Variants in PPFIBP1 observed in about 807,000 individuals in gnomAD.
The protein encoded by PPFIBP1 is liprin-beta-1.
Under a neutral mutation model 137.8 loss-of-function variants are expected in PPFIBP1, and 112 were observed. The ratio of observed to expected loss-of-function variants is 0.81; its 90% CI spans 0.70 to 0.95. PPFIBP1 has a LOEUF of 0.95. Among genes scored for constraint, PPFIBP1 ranks in the 40% least tolerant of loss-of-function variants. PPFIBP1 has a pLI of 0.00. For missense variants in PPFIBP1, 1,083 were observed against 1,196.6 expected, an observed-to-expected ratio of 0.91 and a Z score of 1.40; for synonymous variants, 378 against 417.3, an observed-to-expected ratio of 0.91 and a Z score of 1.15.
At chr12:27,642,806 A>T (rs2058207034) in intron 4 of PPFIBP1, among the ~76,000 whole-genome samples, 1 of 152,048 alleles carries the variant, frequency 6.6e-6, no homozygotes, top group Non-Finnish European at 1.5e-5. Context: ...TGATAAGTAG[A>T]AGTGGTGATT....
chr12:27,526,305 T>C (rs767017479), intron 1 of PPFIBP1, among the ~76,000 whole-genome samples: 13 of 152,224 alleles, frequency 8.5e-5, no homozygotes, highest in Non-Finnish European at 7.3e-5. Flanking sequence ...AGTCCTAGTT[T>C]AGGGACTTGA....
chr12:27,689,071 C>A lies in PPFIBP1; in HGVS notation c.2553C>A (p.Pro851=), dbSNP rs762987080. Reference sequence around the variant, plus strand: ...TGGCTCAGTTATTGAACATCCCACCCAATAAGACTTTGCTGCGAAGACATT... The same window carrying A: ...TGGCTCAGTTATTGAACATCCCACCAAATAAGACTTTGCTGCGAAGACATT... The part of the protein sequence containing the change: ...ETMAQLLNIP[P]NKTLLRRHLA... Residue 851 remains proline (P), a synonymous_variant, in exon 27 of 30, where the codon CCC becomes CCA. Coordinates refer to ENST00000228425, the MANE Select transcript of PPFIBP1 (RefSeq NM_003622.4). 9 of 1,613,916 alleles carry A rather than the reference C, an allele frequency of 5.6e-6. No homozygotes were observed. Among genetic ancestry groups the A allele is most frequent in the Non-Finnish European group, 7.6e-6 (9 of 1,179,964 alleles).
chr12:27,618,974 T>A (rs529172496), intron 2 of PPFIBP1, among the ~76,000 whole-genome samples: 5 of 152,282 alleles, frequency 3.3e-5, no homozygotes, highest in African/African-American at 1.2e-4. Flanking sequence ...GTATAACATC[T>A]ATTAGAGATA....
chr12:27,680,768 A>G (rs55931926), intron 21 of PPFIBP1, among the ~76,000 whole-genome samples: 2,815 of 152,330 alleles, frequency 0.018, 34 homozygotes, highest in South Asian at 0.03. Context: ...CACTGTGCAT[A>G]AGAGGGTGGG....
chr12:27,536,979 C>G (rs1475704198), intron 1 of PPFIBP1, among the ~76,000 whole-genome samples: 1 of 152,152 alleles, frequency 6.6e-6, no homozygotes, highest in Admixed American at 6.5e-5. Flanking sequence ...CTAGGGGACT[C>G]TCTTCTGGTC....
Position 27,633,455 on chromosome 12 carries a change from T to C in PPFIBP1, c.59T>C (p.Ile20Thr). 6.2e-7 allele frequency: 1 copy of C among 1,612,248 alleles called. No homozygotes were observed. The highest frequency in any genetic ancestry group is 8.5e-7 in the Non-Finnish European group (1 of 1,179,630). ...GCGTTGGAGCAGATGGATGGTATCA[T>C]AGCAGGTGATCTGCATCCTGTGAAA... ...AAALEQMDGI[I>T]AGSKALEYSN... The change falls in exon 3 of 30, where the codon ATA becomes ACA. Residue 20 changes from isoleucine to threonine, a missense_variant. Physicochemically the swap from Ile to Thr is moderately conservative, Grantham distance 89. Transcript: ENST00000228425.
chr12:27,672,542 G>A, intron 15 of PPFIBP1, 59 bp downstream of exon 15: 1 of 1,268,654 alleles, frequency 7.9e-7, no homozygotes, highest in Non-Finnish European at 1.1e-6. Flanking sequence ...AGAGAGTTCT[G>A]TTATACTAAC....
chr12:27,659,029 G>A (rs571032560), intron 10 of PPFIBP1, among the ~76,000 whole-genome samples, 181 bp downstream of exon 10: 1 of 152,190 alleles, frequency 6.6e-6, no homozygotes, highest in Non-Finnish European at 1.5e-5. Context: ...TAAGGTAAAA[G>A]ATTATTTTGA....
chr12:27,600,897 T>C (rs938733694), intron 2 of PPFIBP1, among the ~76,000 whole-genome samples: 2 of 152,230 alleles, frequency 1.3e-5, no homozygotes, highest in Non-Finnish European at 2.9e-5. Context: ...TGGATACATA[T>C]ATATTGTGGA....
intron 1 of PPFIBP1, among the ~76,000 whole-genome samples, chr12:27,534,253 C>T (rs1235276041): frequency 6.6e-6 from 1 of 151,932 alleles, no homozygotes; most frequent in Non-Finnish European, 1.5e-5. Flanking sequence ...AAGAACCCTT[C>T]TTCTGATGCG....
chr12:27,557,707 C>T (rs977984317), intron 1 of PPFIBP1, among the ~76,000 whole-genome samples: 2 of 152,094 alleles, frequency 1.3e-5, no homozygotes, highest in African/African-American at 4.8e-5. Flanking sequence ...GTATTTTTAC[C>T]TTTAAGTCAG....
At chr12:27,677,903 TG>T (rs1247395936) in intron 19 of PPFIBP1, 1 of 152,256 alleles carries the variant, frequency 6.6e-6, no homozygotes, top group Non-Finnish European at 1.5e-5. Flanking sequence ...TCTATTCACA[TG>T]GACCAGCAAA....
chr12:27,596,261 C>T (rs1468979288), intron 2 of PPFIBP1, among the ~76,000 whole-genome samples: 2 of 152,168 alleles, frequency 1.3e-5, no homozygotes, highest in Admixed American at 6.5e-5. Context: ...ATGACTCAGT[C>T]TCACTTTTTT....
At chr12:27,555,413 T>C (rs184867783) in intron 1 of PPFIBP1, among the ~76,000 whole-genome samples, 3 of 152,366 alleles carry the variant, frequency 2.0e-5, no homozygotes, top group African/African-American at 7.2e-5. Context: ...CTGTCAGGAC[T>C]ATAGATTCCT....
At chr12:27,564,812 A>G (rs1190836923) in intron 1 of PPFIBP1, among the ~76,000 whole-genome samples, 1 of 151,970 alleles carries the variant, frequency 6.6e-6, no homozygotes, top group Non-Finnish European at 1.5e-5. Flanking sequence ...CTATTTTCCC[A>G]GGCCGCCAGC....
chr12:27,530,073 C>T (rs1030404741), intron 1 of PPFIBP1, among the ~76,000 whole-genome samples: 8 of 152,180 alleles, frequency 5.3e-5, no homozygotes, highest in Admixed American at 2.6e-4. Context: ...AAGGTTGAAA[C>T]TCTGTGGTCT....
intron 12 of PPFIBP1, among the ~76,000 whole-genome samples, chr12:27,664,937 C>A (rs2059771713): frequency 6.6e-6 from 1 of 152,150 alleles, no homozygotes; most frequent in Non-Finnish European, 1.5e-5. Flanking sequence ...GCTGTAATCC[C>A]AGCACTTTGG....
chr12:27,600,061 A>G (rs1164836925), intron 2 of PPFIBP1, among the ~76,000 whole-genome samples: 1 of 152,180 alleles, frequency 6.6e-6, no homozygotes, highest in Non-Finnish European at 1.5e-5. Flanking sequence ...GGTTAACGTT[A>G]GTGGTGTAAG....
At chr12:27,568,628 G>A (rs1357089163) in intron 1 of PPFIBP1, among the ~76,000 whole-genome samples, 1 of 152,188 alleles carries the variant, frequency 6.6e-6, no homozygotes, top group African/African-American at 2.4e-5. Flanking sequence ...TCCCTAGCCA[G>A]CCTTCTCCTT....
Sources: allele counts gnomAD v4.1 joint callset (sites outside exome capture counted in the v4.1 genomes callset), GRCh38; gene constraint gnomAD v4.1.1; transcripts MANE v1.5; gene names NCBI Gene and HGNC (gene_info 2026-07-23, HGNC 2026-07-21).